ZBTB46: variants seen among roughly 807,000 people sequenced by gnomAD.
The protein encoded by ZBTB46 is zinc finger and BTB domain-containing protein 46.
Under a neutral mutation model 44.1 loss-of-function variants are expected in ZBTB46, and 8 were observed. The observed-to-expected ratio is 0.18, with a 90% confidence interval of 0.11 to 0.33. The LOEUF is 0.33. Ranked by LOEUF, ZBTB46 falls within the 10% of genes least tolerant of loss-of-function variation. The pLI is 1.00. For missense variants in ZBTB46, 651 were observed against 847.7 expected, an observed-to-expected ratio of 0.77 and a Z score of 2.88; for synonymous variants, 409 against 382.3, an observed-to-expected ratio of 1.07 and a Z score of -0.81.
intron 4 of ZBTB46, among the ~76,000 whole-genome samples, chr20:63,751,205 G>A (rs1287661419): frequency 6.7e-6 from 1 of 148,430 alleles, no homozygotes; most frequent in Non-Finnish European, 1.5e-5. Flanking sequence ...CACATCCTCC[G>A]CTACGGAAAA....
rs1320161078 is a variant in ZBTB46 at position 63,745,741 on chromosome 20, G to A, written c.*1189C>T. On this transcript the variant is annotated 3_prime_UTR_variant, in exon 5 of 5. Transcript: ENST00000245663. The stretch of plus-strand genomic sequence containing the variant: ...CGTGGCAACGGTCCCGAGGCTGTGA[G>A]TCTAGGCAGCCTGCCTCCGGGACCC... The A allele has an allele frequency of 1.3e-5, 2 of 152,336 alleles. No individual in the cohort carries two copies. The highest frequency in any genetic ancestry group is 3.8e-4 in the East Asian group (2 of 5,268). The allele number at this position is 152,336 out of a possible 1,614,324, so 9.4% of individuals were successfully genotyped here.
At chr20:63,818,356 G>T (rs533312225) in intron 1 of ZBTB46, among the ~76,000 whole-genome samples, 10 of 152,334 alleles carry the variant, frequency 6.6e-5, no homozygotes, top group Admixed American at 6.5e-4. Context: ...CTCCAGCTGG[G>T]CTGCGTAAGG....
In ZBTB46 at chr20:63,775,760, C is replaced by G. The variant is rs961785079; in HGVS notation, c.1140G>C (p.Leu380=). 3 of 1,613,066 alleles carry G rather than the reference C, an allele frequency of 1.9e-6. No homozygotes were observed. The highest frequency in any genetic ancestry group is 2.5e-6 in the Non-Finnish European group (3 of 1,179,706). The part of the protein sequence containing the change: ...LRAALMSKNS[L]LSLKADVLGD... ...CCAGCACGTCGGCCTTCAGCGACAGCAGGCTGTTCTTACTCATGAGCGCCG... is the reference window on the plus strand; with the variant it reads ...CCAGCACGTCGGCCTTCAGCGACAGGAGGCTGTTCTTACTCATGAGCGCCG... Residue 380 remains leucine, a synonymous_variant, in exon 3 of 5, where the codon CTG becomes CTC. Coordinates refer to ENST00000245663, the MANE Select transcript of ZBTB46 (RefSeq NM_001369741.1).
intron 1 of ZBTB46, among the ~76,000 whole-genome samples, chr20:63,808,816 A>T (rs1216949290): frequency 2.6e-5 from 4 of 151,804 alleles, no homozygotes; most frequent in Admixed American, 2.0e-4. Flanking sequence ...CTACTAAAAA[A>T]TACAAAAAAA....
At chr20:63,761,826 T>C (rs1475437273) in intron 3 of ZBTB46, among the ~76,000 whole-genome samples, 1 of 152,066 alleles carries the variant, frequency 6.6e-6, no homozygotes, top group Non-Finnish European at 1.5e-5. Flanking sequence ...GATTTATTCT[T>C]TGACTTGAGG....
rs1399435383 is a variant in ZBTB46, at chr20:63,775,737, A to G, written c.1163T>C (p.Leu388Pro). 1.9e-6 allele frequency: 3 copies of G among 1,611,356 alleles called. No homozygotes were observed. Among genetic ancestry groups the G allele is most frequent in the Non-Finnish European group, 2.5e-6 (3 of 1,178,660 alleles). ...NSLLSLKADV[L>P]GDDGSLLFEY... Reference sequence around the variant, plus strand: ...GAACAGCAGGGAGCCGTCATCCCCCAGCACGTCGGCCTTCAGCGACAGCAG... The same window carrying G: ...GAACAGCAGGGAGCCGTCATCCCCCGGCACGTCGGCCTTCAGCGACAGCAG... Residue 388 changes from leucine (L) to proline (P), a missense_variant, in exon 3 of 5, where the codon CTG becomes CCG. By Grantham distance (98) the Leu-to-Pro change is moderately conservative. Coordinates refer to ENST00000245663, the MANE Select transcript of ZBTB46 (RefSeq NM_001369741.1).
intron 1 of ZBTB46, among the ~76,000 whole-genome samples, chr20:63,818,814 G>A (rs1415194873): frequency 6.7e-6 from 1 of 148,706 alleles, no homozygotes; most frequent in Non-Finnish European, 1.5e-5. Context: ...AGAGGTTGCA[G>A]TGAGCCGAGA....
chr20:63,775,288 C>T (rs3810493), intron 3 of ZBTB46: 101,980 of 186,070 alleles, frequency 0.55, 28,333 homozygotes, highest in South Asian at 0.61. Flanking sequence ...GCGAAACGAG[C>T]CTCAGCACGA....
chr20:63,791,189 T>G (rs1239905941), intron 1 of ZBTB46, among the ~76,000 whole-genome samples: 3 of 152,122 alleles, frequency 2.0e-5, no homozygotes, highest in Non-Finnish European at 4.4e-5. Context: ...AGAAACATTC[T>G]TAAGGAAAAA....
At position 63,782,318 on chromosome 20, in the gene ZBTB46, C is replaced by T. The variant is rs1003115723; in HGVS notation, c.938-6356G>A. On this transcript the variant is annotated intron_variant, in intron 2 of 4. Transcript: ENST00000245663. The stretch of plus-strand genomic sequence containing the variant: ...GCCCTAAACGGACCCACCAGGGCCC[C>T]GTCAGCAGAGAAGGAGGCAGGAGGG... Among the ~76,000 whole-genome samples the T allele has an allele frequency of 6.6e-5, 10 of 151,964 alleles. 1 individual carries two copies. Among genetic ancestry groups the T allele is most frequent in the South Asian group, 6.2e-4 (3 of 4,816 alleles).
At chr20:63,782,273 G>T (rs1253474421) in intron 2 of ZBTB46, among the ~76,000 whole-genome samples, 1 of 151,950 alleles carries the variant, frequency 6.6e-6, no homozygotes, top group Non-Finnish European at 1.5e-5. Context: ...CTCACGATGA[G>T]TCCTGGATGA....
At chr20:63,801,857 C>G (rs1601503037) in intron 1 of ZBTB46, among the ~76,000 whole-genome samples, 1 of 152,196 alleles carries the variant, frequency 6.6e-6, no homozygotes, top group Non-Finnish European at 1.5e-5. Context: ...AAGCCACCGG[C>G]AGCTCCACCC....
At chr20:63,807,694 A>G (rs1402660112) in intron 1 of ZBTB46, among the ~76,000 whole-genome samples, 1 of 152,256 alleles carries the variant, frequency 6.6e-6, no homozygotes, top group Non-Finnish European at 1.5e-5. Flanking sequence ...TACATCAAGC[A>G]ATATGATAGA....
intron 2 of ZBTB46, among the ~76,000 whole-genome samples, chr20:63,779,274 C>T (rs1456376249): frequency 9.9e-5 from 15 of 152,000 alleles, no homozygotes; most frequent in Admixed American, 9.8e-4. Flanking sequence ...GAGTTTCGCT[C>T]TTGTTGCCCA....
chr20:63,779,198 C>CA (rs58429504), intron 2 of ZBTB46, among the ~76,000 whole-genome samples: 18 of 151,254 alleles, frequency 1.2e-4, no homozygotes, highest in Non-Finnish European at 2.4e-4. Context: ...TAACAGGCTT[C>CA]AAAAAAAATC....
intron 1 of ZBTB46, among the ~76,000 whole-genome samples, chr20:63,821,738 A>G (rs2092793530): frequency 6.6e-6 from 1 of 152,158 alleles, no homozygotes; most frequent in African/African-American, 2.4e-5. Context: ...GTAAGCCACC[A>G]TGTCTGGTCC....
chr20:63,752,535 C>G lies in ZBTB46; in HGVS notation c.1398+151G>C. ...GGCCGGGGCAGAGCAGACAGGGGCCCGGGGCGGATCTCCCTGCCCTGCTGT... is the reference window on the plus strand; with the variant it reads ...GGCCGGGGCAGAGCAGACAGGGGCCGGGGGCGGATCTCCCTGCCCTGCTGT... On this transcript the variant is annotated intron_variant, in intron 4 of 4. Transcript: ENST00000245663. The surrounding 1 kb of genome is among the most constrained non-coding windows in gnomAD (Gnocchi z 5.6). 1.0e-6 allele frequency: 1 copy of G among 981,886 alleles called. No homozygotes were observed. The highest frequency in any genetic ancestry group is 2.6e-5 in the South Asian group (1 of 38,474). The allele number at this position is 981,886 out of a possible 1,614,324, so 60.8% of individuals were successfully genotyped here.
chr20:63,779,405 A>T (rs1230701333), intron 2 of ZBTB46, among the ~76,000 whole-genome samples: 13 of 78,206 alleles, frequency 1.7e-4, no homozygotes, highest in African/African-American at 6.6e-4. Context: ...CACGCCGGCT[A>T]ATTTTTTTTT....
chr20:63,822,261 A>C (rs2092796360), intron 1 of ZBTB46, among the ~76,000 whole-genome samples: 1 of 152,214 alleles, frequency 6.6e-6, no homozygotes, highest in African/African-American at 2.4e-5. Context: ...AACCGGGAAT[A>C]AACGACGGGA....
Sources: allele counts gnomAD v4.1 joint callset (sites outside exome capture counted in the v4.1 genomes callset), GRCh38; gene constraint gnomAD v4.1.1; non-coding constraint Gnocchi (gnomAD v3.1); transcripts MANE v1.5; gene names NCBI Gene and HGNC (gene_info 2026-07-23, HGNC 2026-07-21).